PLEKHA1: variants seen among roughly 807,000 people sequenced by gnomAD.
The protein encoded by PLEKHA1 is pleckstrin homology domain containing A1.
Under a neutral mutation model 52.0 loss-of-function variants are expected in PLEKHA1, and 34 were observed. The ratio of observed to expected loss-of-function variants is 0.65; its 90% CI spans 0.50 to 0.87. The LOEUF is 0.87. Among genes scored for constraint, PLEKHA1 ranks in the 40% least tolerant of loss-of-function variants. The pLI, the probability that PLEKHA1 is intolerant of heterozygous loss-of-function variation, is 0.00. For missense variants in PLEKHA1, 497 were observed against 504.2 expected, an observed-to-expected ratio of 0.99 and a Z score of 0.14; for synonymous variants, 163 against 170.7, an observed-to-expected ratio of 0.95 and a Z score of 0.35.
chr10:122,378,739 CA>C (rs5788545), intron 1 of PLEKHA1, among the ~76,000 whole-genome samples: 41,007 of 101,738 alleles, frequency 0.4, 5,421 homozygotes, highest in Non-Finnish European at 0.45. Context: ...ACCCTGTCTC[CA>C]AAAAAAAAAA....
Position 122,393,075 on chromosome 10 carries a change from C to T in PLEKHA1, c.-20-106C>T, listed in dbSNP as rs2096798094. ...TTGGTGTGTGTTCATTTTAATTGACCTTACCTAATGTTGGCAAGTTGCCCC... is the reference window on the plus strand; with the variant it reads ...TTGGTGTGTGTTCATTTTAATTGACTTTACCTAATGTTGGCAAGTTGCCCC... On this transcript the variant is annotated intron_variant, in intron 1 of 11. Transcript: ENST00000368990. This position sits in a 1 kb window ranked among gnomAD's most constrained non-coding sequence, Gnocchi z 4.5. 1.2e-6 allele frequency: 1 copy of T among 806,506 alleles called. No individual in the cohort carries two copies. The highest frequency in any genetic ancestry group is 1.9e-6 in the Non-Finnish European group (1 of 537,744). 50.0% of individuals were successfully genotyped at this position (806,506 alleles called of 1,614,324 possible).
At chr10:122,424,780 T>C in intron 9 of PLEKHA1, 116 bp from the exon 10 acceptor site, 1 of 648,706 alleles carries the variant, frequency 1.5e-6, no homozygotes, top group Non-Finnish European at 2.5e-6. Context: ...TTGGGTTTGC[T>C]AAATCAGTGC....
At chr10:122,387,038 T>C (rs1590306047) in intron 1 of PLEKHA1, 1 of 152,188 alleles carries the variant, frequency 6.6e-6, no homozygotes, top group East Asian at 1.9e-4. Context: ...TAGTGTGTAC[T>C]TCCTAATATT....
chr10:122,396,087 T>TC (rs398114868), intron 2 of PLEKHA1, among the ~76,000 whole-genome samples: 1 of 149,472 alleles, frequency 6.7e-6, no homozygotes, highest in Non-Finnish European at 1.5e-5. Flanking sequence ...ATATTGTTTT[T>TC]CTCTCAGCTA....
intron 5 of PLEKHA1, among the ~76,000 whole-genome samples, chr10:122,407,255 T>A (rs1475427747): frequency 6.6e-6 from 1 of 152,204 alleles, no homozygotes; most frequent in Non-Finnish European, 1.5e-5. Context: ...TTTCCTTGCA[T>A]TCCAGGGCTT....
the PLEKHA1 span, chr10:122,442,548 C>G: frequency 6.6e-6 from 1 of 152,124 alleles, no homozygotes; most frequent in African/African-American, 2.4e-5. Context: ...CCTCTGTAAA[C>G]AAGCCAAATG....
chr10:122,427,059 C>T, intron 11 of PLEKHA1, 28 bp downstream of exon 11: 1 of 1,576,164 alleles, frequency 6.3e-7, no homozygotes, highest in Non-Finnish European at 8.7e-7. Context: ...TGGGGTGATA[C>T]TCCCTTGCGT....
At chr10:122,399,516 G>A (rs1444506607) in intron 3 of PLEKHA1, among the ~76,000 whole-genome samples, 1 of 152,128 alleles carries the variant, frequency 6.6e-6, no homozygotes, top group Non-Finnish European at 1.5e-5. Context: ...GCAGATTAAT[G>A]TCTTAATCTT....
intron 9 of PLEKHA1, 142 bp from the exon 10 acceptor site, chr10:122,424,754 A>G (rs988595325): frequency 3.8e-6 from 2 of 526,060 alleles, no homozygotes; most frequent in Non-Finnish European, 6.3e-6. Context: ...CATTAAAATA[A>G]ATGGGAAAAG....
chr10:122,384,921 C>T (rs1313606088), intron 1 of PLEKHA1, among the ~76,000 whole-genome samples: 1 of 152,108 alleles, frequency 6.6e-6, no homozygotes, highest in African/African-American at 2.4e-5. Flanking sequence ...CACGCGACTG[C>T]ACTGCAGTCT....
At chr10:122,439,845 T>C in the PLEKHA1 span, 2 of 152,236 alleles carry the variant, frequency 1.3e-5, no homozygotes, top group Non-Finnish European at 2.9e-5. Flanking sequence ...ATTGACAACC[T>C]CCTCATTTCC....
At chr10:122,402,400 C>A (rs1202614816) in intron 4 of PLEKHA1, among the ~76,000 whole-genome samples, 2 of 152,202 alleles carry the variant, frequency 1.3e-5, no homozygotes, top group African/African-American at 4.8e-5. Flanking sequence ...TATCTTCTCT[C>A]AGATTGTCCC....
intron 4 of PLEKHA1, among the ~76,000 whole-genome samples, chr10:122,403,780 C>G (rs2096964985): frequency 2.0e-5 from 3 of 152,136 alleles, no homozygotes; most frequent in African/African-American, 7.2e-5. Context: ...CAACCTCCAC[C>G]TCCTGGGTTC....
the PLEKHA1 span, chr10:122,439,137 A>G: frequency 6.6e-6 from 1 of 152,194 alleles, no homozygotes; most frequent in South Asian, 2.1e-4. Context: ...TATGTCTGGA[A>G]ATAATATTTT....
chr10:122,417,656 A>C (rs963753925), intron 7 of PLEKHA1, among the ~76,000 whole-genome samples: 5 of 151,910 alleles, frequency 3.3e-5, no homozygotes, highest in Admixed American at 6.6e-5. Flanking sequence ...AAAAAAAAAA[A>C]AAAAAAACAC....
At chr10:122,414,451 G>C (rs1459635968) in intron 6 of PLEKHA1, among the ~76,000 whole-genome samples, 1 of 151,786 alleles carries the variant, frequency 6.6e-6, no homozygotes, top group Non-Finnish European at 1.5e-5. Flanking sequence ...TGGTAAATTG[G>C]ACCTCATCAA....
At chr10:122,434,431 A>C (rs1342344446), downstream of PLEKHA1, 3 of 152,114 alleles carry the variant, frequency 2.0e-5, no homozygotes, top group Admixed American at 2.0e-4. Context: ...CTTCAACTCT[A>C]GTTCTGCCGT....
rs2097412774 is a variant in PLEKHA1, at chr10:122,431,127, T to TG, written c.*1189_*1190insG. 2.4e-5 allele frequency: 1 copy of TG among 41,202 alleles called. No homozygotes were observed. The highest frequency in any genetic ancestry group is 5.6e-5 in the Non-Finnish European group (1 of 17,736). 2.6% of individuals were successfully genotyped at this position (41,202 alleles called of 1,614,324 possible). Reference sequence around the variant, plus strand: ...ATAGACCAGTTTGAGTAAGTACTGCTTTTTTTTTTTGGAGACGGGCTCTCG... The same window carrying TG: ...ATAGACCAGTTTGAGTAAGTACTGCTGTTTTTTTTTTGGAGACGGGCTCTCG... On this transcript the variant is annotated 3_prime_UTR_variant, in exon 12 of 12. Coordinates refer to ENST00000368990, the MANE Select transcript of PLEKHA1 (RefSeq NM_001001974.4).
At chr10:122,425,054 G>T in intron 10 of PLEKHA1, 95 bp downstream of exon 10, 1 of 1,119,946 alleles carries the variant, frequency 8.9e-7, no homozygotes, top group Non-Finnish European at 1.3e-6. Flanking sequence ...TGCACTTGAG[G>T]TTAAAAAAAT....
Sources: allele counts gnomAD v4.1 joint callset (sites outside exome capture counted in the v4.1 genomes callset), GRCh38; gene constraint gnomAD v4.1.1; non-coding constraint Gnocchi (gnomAD v3.1); transcripts MANE v1.5; gene names NCBI Gene and HGNC (gene_info 2026-07-23, HGNC 2026-07-21).